HIVEP1: variants seen among roughly 807,000 people sequenced by gnomAD.
The protein encoded by HIVEP1 is HIVEP zinc finger 1, also known as zinc finger protein 40.
Under a neutral mutation model 180.0 loss-of-function variants are expected in HIVEP1, and 36 were observed. That is an observed-to-expected ratio of 0.20 (90% CI 0.15 to 0.26). The LOEUF is 0.26. HIVEP1 is among the 10% of genes least tolerant of loss of function. The pLI is 1.00. For missense variants in HIVEP1, 3,143 were observed against 3,268.7 expected, an observed-to-expected ratio of 0.96 and a Z score of 0.94; for synonymous variants, 1,239 against 1,239.0, an observed-to-expected ratio of 1.00 and a Z score of 0.00.
the HIVEP1 span, among the ~76,000 whole-genome samples, chr6:12,190,015 T>TA: frequency 6.6e-6 from 1 of 152,220 alleles, no homozygotes; most frequent in South Asian, 2.1e-4. Flanking sequence ...ATATACTAAG[T>TA]AAAAAGGAAA....
chr6:12,010,171 G>A (rs907011726), upstream of HIVEP1, among the ~76,000 whole-genome samples: 1 of 152,206 alleles, frequency 6.6e-6, no homozygotes, highest in African/African-American at 2.4e-5. Flanking sequence ...TCACAAATGA[G>A]AGATGGTTAT....
chr6:12,094,055 C>G (rs1012497743), intron 3 of HIVEP1, among the ~76,000 whole-genome samples: 13 of 152,084 alleles, frequency 8.5e-5, no homozygotes, highest in African/African-American at 2.6e-4. Flanking sequence ...AGTGTCTTAT[C>G]ATTTTCCTCC....
chr6:12,042,126 G>A (rs1233244338), intron 2 of HIVEP1, among the ~76,000 whole-genome samples: 1 of 142,176 alleles, frequency 7.0e-6, no homozygotes, highest in Non-Finnish European at 1.5e-5. Context: ...AGGCGGGACT[G>A]CGGACTGCAG....
intron 2 of HIVEP1, among the ~76,000 whole-genome samples, chr6:12,033,421 G>T (rs980159008): frequency 6.6e-6 from 1 of 152,072 alleles, no homozygotes; most frequent in Non-Finnish European, 1.5e-5. Flanking sequence ...CTCAGGCCAT[G>T]ATTAGAAGGG....
At chr6:12,119,023 C>T (rs1281217326) in intron 3 of HIVEP1, among the ~76,000 whole-genome samples, 3 of 152,142 alleles carry the variant, frequency 2.0e-5, no homozygotes, top group Admixed American at 2.0e-4. Context: ...AGACAGAGTC[C>T]TCAGGTATTG....
rs190966534 is a variant in HIVEP1, at chr6:12,148,795, G to T, written c.6488-12644G>T. On this transcript the variant is annotated intron_variant, in intron 7 of 8. Transcript: ENST00000379388. ...TGGCTTTTCAGACACCTTTCATTAT[G>T]TCTTCACACCTGCAGTTATCGAAGG... Among the ~76,000 whole-genome samples, 3 of 152,240 alleles carry T rather than the reference G, an allele frequency of 2.0e-5. No individual in the cohort carries two copies. In the East Asian group the frequency reaches 5.8e-4, roughly 29 times the overall value.
chr6:12,175,109 A>G, the HIVEP1 span, among the ~76,000 whole-genome samples: 1 of 152,202 alleles, frequency 6.6e-6, no homozygotes, highest in Non-Finnish European at 1.5e-5. Context: ...CAGATTTACA[A>G]ATACTATCTC....
chr6:12,037,946 C>T (rs1769401752), intron 2 of HIVEP1: 1 of 388,842 alleles, frequency 2.6e-6, no homozygotes, highest in South Asian at 1.4e-4. Context: ...AACTCCCAGC[C>T]TCAAGTGAAC....
At chr6:12,048,835 G>A (rs1177703957) in intron 2 of HIVEP1, among the ~76,000 whole-genome samples, 1 of 152,070 alleles carries the variant, frequency 6.6e-6, no homozygotes, top group Non-Finnish European at 1.5e-5. Context: ...CTTGGGGACA[G>A]TTTTGTATTA....
chr6:12,186,564 C>CTAG, the HIVEP1 span, among the ~76,000 whole-genome samples: 2 of 147,334 alleles, frequency 1.4e-5, no homozygotes, highest in African/African-American at 2.5e-5. Context: ...AAAAAAAAGG[C>CTAG]GTATACTAAC....
At chr6:12,106,103 A>T (rs1256047738) in intron 3 of HIVEP1, among the ~76,000 whole-genome samples, 2 of 151,736 alleles carry the variant, frequency 1.3e-5, no homozygotes, top group South Asian at 2.1e-4. Flanking sequence ...TATACATGAT[A>T]GGGCCTTTTT....
chr6:12,075,056 T>C (rs1190357984), intron 2 of HIVEP1, among the ~76,000 whole-genome samples: 2 of 152,182 alleles, frequency 1.3e-5, no homozygotes, highest in Non-Finnish European at 1.5e-5. Context: ...AAAAGTACAG[T>C]GAAACCTGTG....
chr6:12,125,949 AACTGG>A, intron 4 of HIVEP1, 79 bp downstream of exon 4: 1 of 788,960 alleles, frequency 1.3e-6, no homozygotes, highest in Non-Finnish European at 2.0e-6. Flanking sequence ...TAAATATTTT[AACTGG>A]AAATATTTTA....
At chr6:12,136,978 G>A (rs913442351) in intron 7 of HIVEP1, among the ~76,000 whole-genome samples, 2 of 152,124 alleles carry the variant, frequency 1.3e-5, no homozygotes, top group African/African-American at 4.8e-5. Flanking sequence ...GTATGAGTTT[G>A]GTCTAGAGAA....
intron 2 of HIVEP1, among the ~76,000 whole-genome samples, chr6:12,060,401 C>G (rs1372706032): frequency 1.3e-5 from 2 of 152,164 alleles, no homozygotes; most frequent in Non-Finnish European, 2.9e-5. Context: ...GAATGATAAT[C>G]TGTTCAGTTT....
At chr6:12,156,426 G>A (rs1379043974) in intron 7 of HIVEP1, among the ~76,000 whole-genome samples, 2 of 152,038 alleles carry the variant, frequency 1.3e-5, no homozygotes, top group Admixed American at 1.3e-4. Flanking sequence ...TGTAAAGAAG[G>A]GGTCCAGTTT....
At chr6:12,202,078 A>T in the HIVEP1 span, among the ~76,000 whole-genome samples, 9 of 152,294 alleles carry the variant, frequency 5.9e-5, no homozygotes, top group South Asian at 1.9e-3. Flanking sequence ...ATGAATTAAA[A>T]CGACTTTAAA....
In HIVEP1 at chr6:12,120,960, C is replaced by T; in HGVS notation, c.1165C>T (p.Gln389Ter). 1 of 1,614,050 alleles carries T rather than the reference C, an allele frequency of 6.2e-7. No homozygotes were observed. Among genetic ancestry groups the T allele is most frequent in the South Asian group, 1.1e-5 (1 of 91,076 alleles). Reference sequence around the variant, plus strand: ...CTCTGTTGTTAATCAAAGCGTAGAGCAAATGTGCAATCTTCTTCTGAAAGA... The same window carrying T: ...CTCTGTTGTTAATCAAAGCGTAGAGTAAATGTGCAATCTTCTTCTGAAAGA... The part of the protein sequence containing the change: ...VASVVNQSVE[Q>*]MCNLLLKDQK... The change falls in exon 4 of 9, where the codon CAA becomes TAA. Residue 389 changes from glutamine to a stop codon, truncating the protein, a stop_gained. Transcript: ENST00000379388. LOFTEE classifies it high-confidence loss of function.
In HIVEP1 at chr6:12,124,356, C is replaced by A. The variant is rs1358617153; in HGVS notation, c.4561C>A (p.Pro1521Thr). ...DINLLNQIHA[P>T]PSHQSTQLSL... ...CAATTTGTTAAATCAAATCCATGCACCGCCTAGCCACCAGAGCACACAGCT... is the reference window on the plus strand; with the variant it reads ...CAATTTGTTAAATCAAATCCATGCAACGCCTAGCCACCAGAGCACACAGCT... The change falls in exon 4 of 9, where the codon CCG (proline) becomes ACG (threonine). Residue 1521 changes from proline to threonine, a missense_variant. Physicochemically the swap from Pro to Thr is conservative, Grantham distance 38. Coordinates refer to ENST00000379388, the MANE Select transcript of HIVEP1 (RefSeq NM_002114.4). The A allele has an allele frequency of 6.2e-7, 1 of 1,614,054 alleles. No homozygotes were observed. The highest frequency in any genetic ancestry group is 8.5e-7 in the Non-Finnish European group (1 of 1,179,964).
Sources: gnomAD v4.1 joint callset for allele counts (sites outside exome capture counted in the v4.1 genomes callset) on GRCh38, gnomAD v4.1.1 for gene constraint, MANE v1.5 for transcripts, NCBI Gene and HGNC (gene_info 2026-07-23, HGNC 2026-07-21) for gene names.